Variants in RGS7 observed in about 807,000 individuals in gnomAD.
The protein encoded by RGS7 is regulator of G-protein signaling 7.
A neutral mutation model predicts 81.1 loss-of-function variants in RGS7; 27 were observed. That is an observed-to-expected ratio of 0.33 (90% CI 0.25 to 0.46). RGS7 has a LOEUF of 0.46. RGS7 is among the 20% of genes least tolerant of loss of function. RGS7 has a pLI of 1.00. For missense variants in RGS7, 396 were observed against 607.4 expected (o/e 0.65, Z 3.66); for synonymous variants, 208 against 207.7 (o/e 1.00, Z -0.01).
At chr1:241,296,520 G>T (rs571201254) in intron 2 of RGS7, among the ~76,000 whole-genome samples, 1 of 152,290 alleles carries the variant, frequency 6.6e-6, no homozygotes, top group African/African-American at 2.4e-5. Flanking sequence ...CTTTCCTGTG[G>T]GAACTACCAT....
intron 3 of RGS7, among the ~76,000 whole-genome samples, chr1:241,048,528 A>C (rs899018258): frequency 6.6e-6 from 1 of 152,120 alleles, no homozygotes; most frequent in African/African-American, 2.4e-5. Context: ...TTTTACTAAT[A>C]ATACTATATG....
At chr1:241,279,372 G>A (rs950618419) in intron 2 of RGS7, among the ~76,000 whole-genome samples, 53 of 152,096 alleles carry the variant, frequency 3.5e-4, no homozygotes, top group African/African-American at 1.2e-3. Flanking sequence ...AACGTATTTT[G>A]TGTAAACATG....
chr1:240,960,414 T>C (rs143334660), intron 4 of RGS7, among the ~76,000 whole-genome samples: 2,271 of 151,028 alleles, frequency 0.015, 35 homozygotes, highest in Middle Eastern at 0.031. Context: ...CAGCTAATTT[T>C]TGTATTTTTT....
intron 18 of RGS7, among the ~76,000 whole-genome samples, chr1:240,787,737 G>T (rs1235751277): frequency 6.6e-6 from 1 of 152,160 alleles, no homozygotes; most frequent in Non-Finnish European, 1.5e-5. Context: ...TTAGTGGAAA[G>T]AAGGGTAAAG....
intron 3 of RGS7, among the ~76,000 whole-genome samples, chr1:240,989,333 G>A (rs533111745): frequency 3.3e-5 from 5 of 151,842 alleles, no homozygotes; most frequent in South Asian, 2.1e-4. Context: ...CCAGCTACTC[G>A]GGAGGCTGAG....
At chr1:241,121,939 C>T (rs1558744677) in intron 2 of RGS7, among the ~76,000 whole-genome samples, 4 of 151,960 alleles carry the variant, frequency 2.6e-5, no homozygotes, top group Admixed American at 2.0e-4. Context: ...CCCGAGCTTA[C>T]GCATTTCTCC....
chr1:240,897,562 C>A (rs1206236401), intron 6 of RGS7, among the ~76,000 whole-genome samples: 2 of 152,130 alleles, frequency 1.3e-5, no homozygotes, highest in South Asian at 2.1e-4. Context: ...GTCTTTGTTT[C>A]TGTTTATATG....
At chr1:241,239,556 A>G (rs775599162) in intron 2 of RGS7, among the ~76,000 whole-genome samples, 1 of 152,048 alleles carries the variant, frequency 6.6e-6, no homozygotes, top group Non-Finnish European at 1.5e-5. Context: ...TGGGACATGT[A>G]CTCTGGACAA....
At chr1:241,184,380 T>C (rs528699427) in intron 2 of RGS7, among the ~76,000 whole-genome samples, 27 of 152,244 alleles carry the variant, frequency 1.8e-4, no homozygotes, top group African/African-American at 6.5e-4. Context: ...ACACATCAGG[T>C]TGGTATGACA....
At chr1:240,982,497 G>C (rs1685069378) in intron 4 of RGS7, among the ~76,000 whole-genome samples, 2 of 149,412 alleles carry the variant, frequency 1.3e-5, no homozygotes, top group Admixed American at 6.7e-5. Flanking sequence ...GCAATGCAAA[G>C]TGTGAACTCA....
intron 3 of RGS7, among the ~76,000 whole-genome samples, chr1:241,064,825 C>T (rs950111407): frequency 2.6e-5 from 4 of 152,070 alleles, no homozygotes; most frequent in African/African-American, 9.7e-5. Context: ...GTGCCATATC[C>T]ATCCCTGTCA....
intron 2 of RGS7, among the ~76,000 whole-genome samples, chr1:241,322,460 A>C (rs575288209): frequency 5.5e-4 from 84 of 152,330 alleles, no homozygotes; most frequent in African/African-American, 2.0e-3. Context: ...TAGCCAGTTA[A>C]TCTCTAATAG....
intron 3 of RGS7, among the ~76,000 whole-genome samples, chr1:241,010,287 C>A (rs539014845): frequency 6.6e-6 from 1 of 152,200 alleles, no homozygotes; most frequent in Non-Finnish European, 1.5e-5. Context: ...AACACCTGAT[C>A]ATGGTACCAG....
chr1:241,077,628 A>G (rs910820157), intron 3 of RGS7, among the ~76,000 whole-genome samples: 15 of 152,182 alleles, frequency 9.9e-5, no homozygotes, highest in African/African-American at 3.4e-4. Flanking sequence ...TCAGCCCTCC[A>G]GCGATTGCTC....
chr1:241,007,421 T>C (rs1407975717), intron 3 of RGS7, among the ~76,000 whole-genome samples: 1 of 152,198 alleles, frequency 6.6e-6, no homozygotes, highest in Non-Finnish European at 1.5e-5. Flanking sequence ...TTAGTAAAGC[T>C]TTTGGTCAAC....
chr1:240,932,106 G>C (rs1193336679), intron 5 of RGS7, among the ~76,000 whole-genome samples: 1 of 152,190 alleles, frequency 6.6e-6, no homozygotes, highest in Non-Finnish European at 1.5e-5. Flanking sequence ...AGACTCTAAA[G>C]AAGGGAAAAT....
chr1:241,023,632 G>A (rs2059648095), intron 3 of RGS7, among the ~76,000 whole-genome samples: 1 of 152,178 alleles, frequency 6.6e-6, no homozygotes, highest in Admixed American at 6.5e-5. Flanking sequence ...CTTGAGCTCT[G>A]TCTTAATTCT....
At chr1:241,315,107 CTT>C (rs5782184) in intron 2 of RGS7, among the ~76,000 whole-genome samples, 9 of 57,426 alleles carry the variant, frequency 1.6e-4, no homozygotes, top group Non-Finnish European at 1.5e-4. Context: ...TCTTCTTCTT[CTT>C]TTTTTTTTTT....
intron 3 of RGS7, among the ~76,000 whole-genome samples, chr1:240,985,791 G>GA (rs1360994970): frequency 6.6e-6 from 1 of 151,720 alleles, no homozygotes; most frequent in Non-Finnish European, 1.5e-5. Context: ...AGAGAAAGAG[G>GA]AAAAAAATCC....
Sources: gnomAD v4.1 joint callset for allele counts (sites outside exome capture counted in the v4.1 genomes callset) on GRCh38, gnomAD v4.1.1 for gene constraint, MANE v1.5 for transcripts, NCBI Gene and HGNC (gene_info 2026-07-23, HGNC 2026-07-21) for gene names.